MICAL3: variants seen among roughly 807,000 people sequenced by gnomAD.
MICAL3 encodes microtubule associated monooxygenase, calponin and LIM domain containing 3, also known as [F-actin]-monooxygenase MICAL3.
Under a neutral mutation model 207.4 loss-of-function variants are expected in MICAL3, and 62 were observed. The observed-to-expected ratio is 0.30, with a 90% CI of 0.24 to 0.37. The LOEUF is 0.37. MICAL3 is among the 10% of genes least tolerant of loss of function. The pLI is 1.00. For synonymous variants in MICAL3, 1,077 were observed against 1,069.3 expected (o/e 1.01, Z -0.14); for missense variants, 2,368 against 2,635.6 (o/e 0.90, Z 2.22).
intron 1 of MICAL3, among the ~76,000 whole-genome samples, chr22:17,957,339 G>C (rs866133053): frequency 6.6e-6 from 1 of 152,186 alleles, no homozygotes; most frequent in Non-Finnish European, 1.5e-5. Flanking sequence ...TACATAAAAA[G>C]AAAATCTTCT....
At chr22:18,011,573 T>C (rs1057298724) in intron 1 of MICAL3, among the ~76,000 whole-genome samples, 6 of 133,476 alleles carry the variant, frequency 4.5e-5, no homozygotes, top group Non-Finnish European at 9.5e-5. Context: ...CGTCTAAAAA[T>C]ATATATATAA....
chr22:17,814,698 T>C (rs2062083617), intron 27 of MICAL3: 1 of 152,214 alleles, frequency 6.6e-6, no homozygotes, highest in South Asian at 2.1e-4. Context: ...ATCTGTCTCC[T>C]AGGTTGGCCT....
intron 16 of MICAL3, among the ~76,000 whole-genome samples, chr22:17,877,551 G>A (rs1419592102): frequency 4.7e-5 from 5 of 106,006 alleles, no homozygotes; most frequent in Non-Finnish European, 1.1e-4. Context: ...GGAGGTGAGG[G>A]AGGTTATGGA....
At chr22:17,937,371 C>T (rs1311516806) in intron 1 of MICAL3, among the ~76,000 whole-genome samples, 1 of 152,108 alleles carries the variant, frequency 6.6e-6, no homozygotes, top group Non-Finnish European at 1.5e-5. Context: ...ACTTATTTAA[C>T]AAAAAAGATG....
intron 1 of MICAL3, among the ~76,000 whole-genome samples, chr22:17,960,146 C>A (rs1934833830): frequency 6.6e-6 from 1 of 152,238 alleles, no homozygotes; most frequent in Non-Finnish European, 1.5e-5. Context: ...GGCTGTGGCT[C>A]CCTGCCCCAG....
intron 1 of MICAL3, among the ~76,000 whole-genome samples, chr22:17,966,353 T>TCCCCTC (rs1240384834): frequency 6.6e-6 from 1 of 152,138 alleles, no homozygotes; most frequent in African/African-American, 2.4e-5. Flanking sequence ...TCCAGCCTTA[T>TCCCCTC]TCCAGAACCC....
chr22:17,798,473 T>C (rs2061900084), intron 29 of MICAL3, among the ~76,000 whole-genome samples: 2 of 152,140 alleles, frequency 1.3e-5, no homozygotes, highest in South Asian at 4.1e-4. Flanking sequence ...GGCTCGCTTA[T>C]TCTCAGGCAT....
intron 29 of MICAL3, among the ~76,000 whole-genome samples, chr22:17,795,832 G>A (rs776486752): frequency 1.0e-4 from 14 of 137,472 alleles, no homozygotes; most frequent in Non-Finnish European, 1.7e-4. Context: ...AAGAAGAAGT[G>A]GAAGGGAAAA....
chr22:17,812,119 G>A (rs745952706), intron 27 of MICAL3, among the ~76,000 whole-genome samples: 3 of 152,128 alleles, frequency 2.0e-5, no homozygotes, highest in Admixed American at 6.5e-5. Context: ...ATCTTCACTC[G>A]AAGAGCTCAA....
At chr22:17,878,605 G>C (rs1277682182) in intron 16 of MICAL3, among the ~76,000 whole-genome samples, 1 of 152,202 alleles carries the variant, frequency 6.6e-6, no homozygotes, top group Non-Finnish European at 1.5e-5. Context: ...TGGCTTTTGT[G>C]AGATTAACAA....
At chr22:17,909,284 G>A in intron 1 of MICAL3, among the ~76,000 whole-genome samples, 1 of 152,228 alleles carries the variant, frequency 6.6e-6, no homozygotes, top group East Asian at 1.9e-4. Context: ...AGCACTTTGG[G>A]AGGCCGAGGT....
chr22:17,910,211 C>T (rs527878347), intron 1 of MICAL3, among the ~76,000 whole-genome samples: 15 of 152,128 alleles, frequency 9.9e-5, no homozygotes, highest in Non-Finnish European at 2.2e-4. Context: ...CCCGTCATAG[C>T]GCCTGCCTTG....
intron 1 of MICAL3, among the ~76,000 whole-genome samples, chr22:17,994,085 A>G (rs114595202): frequency 0.025 from 3,739 of 152,268 alleles, 168 homozygotes; most frequent in African/African-American, 0.083. Context: ...CATGGCCAAC[A>G]GTCTCTAAGC....
intron 19 of MICAL3, among the ~76,000 whole-genome samples, chr22:17,849,752 TG>T (rs1222930029): frequency 7.3e-6 from 1 of 136,918 alleles, no homozygotes; most frequent in Non-Finnish European, 1.5e-5. Flanking sequence ...TGGAGTGCAG[TG>T]GTGCAACCTC....
intron 1 of MICAL3, among the ~76,000 whole-genome samples, chr22:17,924,123 A>G (rs1932860007): frequency 6.6e-6 from 1 of 152,224 alleles, no homozygotes; most frequent in Non-Finnish European, 1.5e-5. Context: ...ACCTCCCACC[A>G]GGTCCCTCCC....
chr22:17,816,883 G>A (rs2146005552), intron 26 of MICAL3, 99 bp from the exon 27 acceptor site: 1 of 877,982 alleles, frequency 1.1e-6, no homozygotes, highest in Middle Eastern at 3.2e-4. Context: ...GGCCGGGTGG[G>A]GGGCTGGATT....
At chr22:17,856,236 C>T (rs906479752) in intron 19 of MICAL3, among the ~76,000 whole-genome samples, 5 of 152,224 alleles carry the variant, frequency 3.3e-5, no homozygotes, top group Admixed American at 2.0e-4. Context: ...GCAGGAGTGA[C>T]GGCACTGCAA....
In MICAL3 at chr22:17,841,616, C is replaced by A; in HGVS notation, c.2801+206G>T. 1.7e-6 allele frequency: 1 copy of A among 596,770 alleles called. No individual in the cohort carries two copies. The highest frequency in any genetic ancestry group is 3.0e-6 in the Non-Finnish European group (1 of 334,940). The allele number at this position is 596,770 out of a possible 1,614,324, so 37.0% of individuals were successfully genotyped here. A position where few individuals can be genotyped will look rare whatever the true frequency, so the allele number is the denominator to read the frequency against. ...CAGGTCCTCAAGGAATAAATACTTC[C>A]TGAATCTCTGAATTGAGTCTGATGG... On this transcript the variant is annotated intron_variant, in intron 20 of 31. Transcript: ENST00000441493. The surrounding 1 kb of genome is among the most constrained non-coding windows in gnomAD (Gnocchi z 4.2).
At chr22:17,933,696 T>C (rs1159147451) in intron 1 of MICAL3, among the ~76,000 whole-genome samples, 3 of 152,156 alleles carry the variant, frequency 2.0e-5, no homozygotes, top group Admixed American at 6.5e-5. Context: ...ACTGGTTTTT[T>C]GAAACGATCA....
Sources: gnomAD v4.1 joint callset for allele counts (sites outside exome capture counted in the v4.1 genomes callset) on GRCh38, gnomAD v4.1.1 for gene constraint, Gnocchi (gnomAD v3.1) non-coding constraint, MANE v1.5 for transcripts, NCBI Gene and HGNC (gene_info 2026-07-23, HGNC 2026-07-21) for gene names.